Variants in FBN2 observed in about 807,000 individuals in gnomAD.
The protein encoded by FBN2 is fibrillin 2.
A neutral mutation model predicts 355.6 loss-of-function variants in FBN2; 105 were observed. That is an observed-to-expected ratio of 0.30 (90% CI 0.25 to 0.35). FBN2 has a LOEUF of 0.35. Ranked by LOEUF, FBN2 falls within the 10% of genes least tolerant of loss-of-function variation. The pLI, the probability that FBN2 is intolerant of heterozygous loss-of-function variation, is 1.00. For synonymous variants in FBN2, 1,350 were observed against 1,301.2 expected, an observed-to-expected ratio of 1.04 and a Z score of -0.81; for missense variants, 3,280 against 3,758.7, an observed-to-expected ratio of 0.87 and a Z score of 3.33.
chr5:128,439,725 A>G (rs999669511), intron 7 of FBN2, among the ~76,000 whole-genome samples: 1 of 151,550 alleles, frequency 6.6e-6, no homozygotes, highest in Non-Finnish European at 1.5e-5. Context: ...TTGCCATGTA[A>G]TTTATTTTAT....
rs1186791923 is a variant in FBN2, at chr5:128,335,514, C to G, written c.3788G>C (p.Ser1263Thr). 1.2e-6 allele frequency: 2 copies of G among 1,614,062 alleles called. No homozygotes were observed. The highest frequency in any genetic ancestry group is 1.7e-5 in the Admixed American group (1 of 60,028). Residue 1263 changes from serine to threonine, a missense_variant, in exon 29 of 65, where the codon AGC becomes ACC. Ser to Thr is a moderately conservative substitution (Grantham distance 58). Transcript: ENST00000262464. ...ACCCTCACTGCAGCTGCATTCGTAGCTTCCCTCTGAATTTGTGCACTGGGT... is the reference window on the plus strand; with the variant it reads ...ACCCTCACTGCAGCTGCATTCGTAGGTTCCCTCTGAATTTGTGCACTGGGT... ...CDTQCTNSEG[S>T]YECSCSEGYA...
At chr5:128,520,781 G>A (rs17164083) in intron 4 of FBN2, among the ~76,000 whole-genome samples, 12,658 of 152,138 alleles carry the variant, frequency 0.083, 549 homozygotes, top group African/African-American at 0.099. Context: ...ATGATTCTGT[G>A]TGTCTCTGCA....
At chr5:128,395,557 G>C (rs368501470) in intron 8 of FBN2, among the ~76,000 whole-genome samples, 3 of 152,342 alleles carry the variant, frequency 2.0e-5, no homozygotes, top group East Asian at 3.9e-4. Context: ...TCAGCCTGGA[G>C]ATGCGCACTG....
Position 128,530,647 on chromosome 5 carries a change from G to A in FBN2, c.384C>T (p.Asn128=). Residue 128 remains asparagine, a synonymous_variant, in exon 3 of 65, where the codon AAC becomes AAT. Transcript: ENST00000262464. ...SCGDGFCSRP[N]MCTCSSGQIS... is the part of the protein sequence containing the mutation. Reference sequence around the variant, plus strand: ...TTTGCCCACTGGAACAAGTACACATGTTAGGACGGGAACAAAATCCATCTC... The same window carrying A: ...TTTGCCCACTGGAACAAGTACACATATTAGGACGGGAACAAAATCCATCTC... 6.2e-7 allele frequency: 1 copy of A among 1,613,332 alleles called. No individual in the cohort carries two copies. The highest frequency in any genetic ancestry group is 1.3e-5 in the African/African-American group (1 of 74,984).
rs150087436 is a variant in FBN2, at chr5:128,464,812, C to T, written c.738G>A (p.Ala246=). 2.6e-3 allele frequency: 4,265 copies of T among 1,614,216 alleles called. 12 individuals are homozygous for T. The highest frequency in any genetic ancestry group is 3.4e-3 in the Non-Finnish European group (4,007 of 1,180,036). The change falls in exon 6 of 65, where the codon GCG becomes GCA. Residue 246 remains alanine (A), a synonymous_variant. Coordinates refer to ENST00000262464, the MANE Select transcript of FBN2 (RefSeq NM_001999.4). The part of the protein sequence containing the change: ...KTLCCATIGR[A]WGHPCEMCPA... The stretch of plus-strand genomic sequence containing the variant: ...GACACATCTCACAGGGATGGCCCCA[C>T]GCCCGTCCAATGGTGGCACAGCACA...
chr5:128,376,619 G>A (rs1467674833), intron 14 of FBN2, 112 bp downstream of exon 14: 1 of 1,277,724 alleles, frequency 7.8e-7, no homozygotes, highest in Non-Finnish European at 1.1e-6. Context: ...AGCAAGAAAT[G>A]TGAATAATAT....
In FBN2 at chr5:128,288,563, AAAG is replaced by A. The variant is rs754187604; in HGVS notation, c.6638-9_6638-7del. 1.3e-5 allele frequency: 21 copies of A among 1,613,182 alleles called. No individual in the cohort carries two copies. The highest frequency in any genetic ancestry group is 9.9e-5 in the South Asian group (9 of 91,076). On this transcript the variant is annotated splice_region_variant and splice_polypyrimidine_tract_variant and intron_variant, in intron 52 of 64. Transcript: ENST00000262464. ...GATTGAACACTCATCAGTATCTGAA[AAAG>A]AAGAATAAGAAACTGCCACAAAGAT...
intron 50 of FBN2, 101 bp from the exon 51 acceptor site, chr5:128,290,048 T>C (rs1356349870): frequency 4.0e-6 from 3 of 747,610 alleles, no homozygotes; most frequent in Non-Finnish European, 4.8e-6. Context: ...TTAATTATGT[T>C]TCCATTACAA....
At chr5:128,346,449 C>G (rs556491230) in intron 23 of FBN2, among the ~76,000 whole-genome samples, 2 of 152,156 alleles carry the variant, frequency 1.3e-5, no homozygotes, top group Non-Finnish European at 2.9e-5. Context: ...TTTCCAGAAG[C>G]TGAAAACTGT....
At chr5:128,385,609 T>C (rs1417087284) in intron 11 of FBN2, among the ~76,000 whole-genome samples, 2 of 152,170 alleles carry the variant, frequency 1.3e-5, no homozygotes, top group East Asian at 3.9e-4. Context: ...CTGTTTTAAA[T>C]TATTTGAGAA....
intron 2 of FBN2, among the ~76,000 whole-genome samples, chr5:128,535,902 A>G (rs1490605198): frequency 2.0e-5 from 3 of 152,108 alleles, no homozygotes; most frequent in African/African-American, 7.2e-5. Context: ...AATCCGCGAG[A>G]ATGCTCCTTT....
rs539061538 is a variant in FBN2 at position 128,465,864 on chromosome 5, G to A, written c.629-943C>T. Among the ~76,000 whole-genome samples the A allele has an allele frequency of 1.1e-3, 162 of 152,276 alleles. 1 individual carries two copies. The highest frequency in any genetic ancestry group is 1.9e-3 in the Non-Finnish European group (126 of 68,022). ...GCAGCAACAGCATCACTTTGGGGCC[G>A]GGTAGAAATGCAGACTCAAGCCCTA... On this transcript the variant is annotated intron_variant, in intron 5 of 64. Coordinates refer to ENST00000262464, the MANE Select transcript of FBN2 (RefSeq NM_001999.4).
At chr5:128,429,646 T>C (rs888505315) in intron 7 of FBN2, among the ~76,000 whole-genome samples, 2 of 152,152 alleles carry the variant, frequency 1.3e-5, no homozygotes, top group Non-Finnish European at 2.9e-5. Flanking sequence ...AATGAAGACA[T>C]AGAAGAAATA....
intron 5 of FBN2, among the ~76,000 whole-genome samples, chr5:128,476,120 G>C (rs1005887431): frequency 6.6e-6 from 1 of 151,964 alleles, no homozygotes; most frequent in Admixed American, 6.6e-5. Flanking sequence ...AAGATAAAAA[G>C]GTGACCATTA....
At chr5:128,341,050 A>C (rs1380463537) in intron 25 of FBN2, among the ~76,000 whole-genome samples, 1 of 152,190 alleles carries the variant, frequency 6.6e-6, no homozygotes, top group African/African-American at 2.4e-5. Flanking sequence ...GTGTGGGTAC[A>C]GGACGGACCG....
chr5:128,518,875 C>T (rs1442572807), intron 5 of FBN2, among the ~76,000 whole-genome samples: 1 of 152,134 alleles, frequency 6.6e-6, no homozygotes. Flanking sequence ...TATACATTTC[C>T]TTATTGCTTA....
At chr5:128,373,230 C>T (rs920580291) in intron 15 of FBN2, among the ~76,000 whole-genome samples, 1 of 152,124 alleles carries the variant, frequency 6.6e-6, no homozygotes, top group African/African-American at 2.4e-5. Context: ...CCAAAACTGG[C>T]TTTGTGCTCA....
intron 25 of FBN2, chr5:128,339,312 G>C: frequency 2.3e-6 from 1 of 435,282 alleles, no homozygotes; most frequent in Non-Finnish European, 4.3e-6. Context: ...ATTTGTTTTT[G>C]TGGCTTAGAA....
intron 2 of FBN2, 34 bp from the exon 3 acceptor site, chr5:128,530,727 A>G (rs767350447): frequency 7.7e-7 from 1 of 1,296,900 alleles, no homozygotes; most frequent in Non-Finnish European, 1.1e-6. Flanking sequence ...TGAATGAATA[A>G]CTATATAATA....
Sources: gnomAD v4.1 joint callset for allele counts (sites outside exome capture counted in the v4.1 genomes callset) on GRCh38, gnomAD v4.1.1 for gene constraint, MANE v1.5 for transcripts, NCBI Gene and HGNC (gene_info 2026-07-23, HGNC 2026-07-21) for gene names.